PRPF3: variants seen among roughly 807,000 people sequenced by gnomAD.
PRPF3 encodes pre-mRNA processing factor 3, also known as U4/U6 small nuclear ribonucleoprotein Prp3.
Under a neutral mutation model 89.2 loss-of-function variants are expected in PRPF3, and 3 were observed. That is an observed-to-expected ratio of 0.03 (90% CI 0.02 to 0.09). The LOEUF is 0.09. Among genes scored for constraint, PRPF3 ranks in the 10% least tolerant of loss-of-function variants. The pLI is 1.00. For missense variants in PRPF3, 463 were observed against 828.8 expected, an observed-to-expected ratio of 0.56 and a Z score of 5.42; for synonymous variants, 270 against 289.1, an observed-to-expected ratio of 0.93 and a Z score of 0.67.
At chr1:150,322,534 G>A (rs936235257) in intron 1 of PRPF3, among the ~76,000 whole-genome samples, 2 of 152,126 alleles carry the variant, frequency 1.3e-5, no homozygotes, top group Non-Finnish European at 2.9e-5. Flanking sequence ...AAATTGGTAC[G>A]CTGTATGTCT....
intron 14 of PRPF3, among the ~76,000 whole-genome samples, chr1:150,347,658 GC>G (rs1404277146): frequency 6.6e-6 from 1 of 151,848 alleles, no homozygotes; most frequent in Non-Finnish European, 1.5e-5. Context: ...AACCTGGCAG[GC>G]GGAGGTTGCA....
At chr1:150,348,460 A>ATTTTGTTTTTTTTTTTTTTTTTTTT (rs1658531535) in intron 14 of PRPF3, among the ~76,000 whole-genome samples, 1 of 48,464 alleles carries the variant, frequency 2.1e-5, no homozygotes, top group African/African-American at 8.9e-5. Flanking sequence ...CTACACGTGC[A>ATTTTGTTTTTTTTTTTTTTTTTTTT]TTTTTTTTTT....
chr1:150,322,696 C>G (rs1184639684), intron 1 of PRPF3, among the ~76,000 whole-genome samples: 1 of 152,150 alleles, frequency 6.6e-6, no homozygotes, highest in Non-Finnish European at 1.5e-5. Context: ...GTCTTATAGA[C>G]TCTAGTATAG....
chr1:150,342,094 A>T (rs1265714548), intron 9 of PRPF3, among the ~76,000 whole-genome samples: 4 of 151,950 alleles, frequency 2.6e-5, no homozygotes, highest in Non-Finnish European at 4.4e-5. Context: ...CTTAAGAAAG[A>T]TAAGAGGCCA....
intron 6 of PRPF3, among the ~76,000 whole-genome samples, chr1:150,334,422 A>G (rs1656753281): frequency 6.6e-6 from 1 of 152,096 alleles, no homozygotes; most frequent in African/African-American, 2.4e-5. Context: ...GCTGGAGTGC[A>G]GTGATCTCGG....
chr1:150,332,573 T>C, intron 4 of PRPF3, 111 bp from the exon 5 acceptor site: 1 of 1,051,808 alleles, frequency 9.5e-7, no homozygotes, highest in Non-Finnish European at 1.5e-6. Flanking sequence ...GGTATAGTCA[T>C]TCAAAACATT....
At chr1:150,347,875 T>C (rs1453764512) in intron 14 of PRPF3, among the ~76,000 whole-genome samples, 1 of 152,182 alleles carries the variant, frequency 6.6e-6, no homozygotes, top group Non-Finnish European at 1.5e-5. Context: ...TGTAAGAGTA[T>C]TTTACTGCAT....
intron 14 of PRPF3, among the ~76,000 whole-genome samples, chr1:150,346,858 G>A (rs918021812): frequency 2.0e-5 from 3 of 152,044 alleles, no homozygotes; most frequent in Non-Finnish European, 4.4e-5. Flanking sequence ...AGGCTGAGGC[G>A]GGCAGATTGC....
intron 1 of PRPF3, among the ~76,000 whole-genome samples, chr1:150,322,244 T>C (rs1553862202): frequency 6.6e-6 from 1 of 152,230 alleles, no homozygotes; most frequent in Admixed American, 6.5e-5. Flanking sequence ...GTGAGGACTC[T>C]TGTTAGTTTT....
In PRPF3 at chr1:150,328,925, C is replaced by CA. The variant is rs1656022959; in HGVS notation, c.423+460dup. Among the ~76,000 whole-genome samples, 3 of 152,048 alleles carry CA rather than the reference C, an allele frequency of 2.0e-5. No homozygotes were observed. In the South Asian group the frequency reaches 6.2e-4, roughly 32 times the overall value. On this transcript the variant is annotated intron_variant, in intron 4 of 15. Transcript: ENST00000324862. The stretch of plus-strand genomic sequence containing the variant: ...CAGGCTGGTCTTCAACTTCTGACCT[C>CA]AGGTCATCTGCCCACCTTCGCCTCC...
intron 6 of PRPF3, among the ~76,000 whole-genome samples, chr1:150,333,541 A>T (rs1223056137): frequency 6.6e-6 from 1 of 152,174 alleles, no homozygotes; most frequent in Non-Finnish European, 1.5e-5. Context: ...CGTGGGTGAC[A>T]GAGGGAGACT....
chr1:150,342,475 G>C (rs1553871539), intron 9 of PRPF3, among the ~76,000 whole-genome samples: 1 of 151,818 alleles, frequency 6.6e-6, no homozygotes. Flanking sequence ...CCTTATTAAC[G>C]AGTTTTCTTC....
At chr1:150,351,807 GC>G (rs1658957060) in intron 15 of PRPF3, among the ~76,000 whole-genome samples, 1 of 150,592 alleles carries the variant, frequency 6.6e-6, no homozygotes, top group African/African-American at 2.4e-5. Context: ...ACTGTGCCCA[GC>G]CCTACCTTCA....
chr1:150,340,849 C>T (rs1553870255), intron 9 of PRPF3, among the ~76,000 whole-genome samples: 7 of 152,014 alleles, frequency 4.6e-5, no homozygotes, highest in Non-Finnish European at 1.0e-4. Context: ...GTGGCTTATG[C>T]CTGTAATCAC....
chr1:150,343,692 G>T (rs1553872093), intron 10 of PRPF3, among the ~76,000 whole-genome samples: 1 of 152,158 alleles, frequency 6.6e-6, no homozygotes, highest in African/African-American at 2.4e-5. Flanking sequence ...GGTTTTCCTG[G>T]AAGAATACAG....
intron 9 of PRPF3, among the ~76,000 whole-genome samples, chr1:150,341,220 C>T (rs958331152): frequency 1.3e-5 from 2 of 151,688 alleles, no homozygotes; most frequent in African/African-American, 4.8e-5. Flanking sequence ...TCAGCTTGCT[C>T]CTTTTATAGA....
At chr1:150,344,900 T>C (rs1052609523) in intron 12 of PRPF3, among the ~76,000 whole-genome samples, 6 of 151,824 alleles carry the variant, frequency 4.0e-5, no homozygotes, top group Non-Finnish European at 8.8e-5. Context: ...TTTTTTTTTT[T>C]AAATGGTCTG....
At chr1:150,339,736 CGT>C (rs1491310597) in intron 8 of PRPF3, among the ~76,000 whole-genome samples, 85 of 104,566 alleles carry the variant, frequency 8.1e-4, no homozygotes, top group Non-Finnish European at 1.2e-3. Flanking sequence ...CCACGCCTGG[CGT>C]TTTTTTTTTT....
chr1:150,337,137 C>T (rs1175065418), intron 7 of PRPF3, among the ~76,000 whole-genome samples: 1 of 147,326 alleles, frequency 6.8e-6, no homozygotes, highest in African/African-American at 2.5e-5. Flanking sequence ...CTTCCAGGTT[C>T]ATGCCATTCT....
Sources: gnomAD v4.1 joint callset for allele counts (sites outside exome capture counted in the v4.1 genomes callset) on GRCh38, gnomAD v4.1.1 for gene constraint, MANE v1.5 for transcripts, NCBI Gene and HGNC (gene_info 2026-07-23, HGNC 2026-07-21) for gene names.